The following SEMA6D variants were observed in gnomAD, a reference collection of about 807,000 sequenced individuals.
SEMA6D encodes semaphorin 6D.
In SEMA6D, 35 loss-of-function variants were observed where a neutral mutation model predicts 106.6. The observed-to-expected ratio is 0.33, with a 90% confidence interval of 0.25 to 0.44. The LOEUF (loss-of-function observed/expected upper bound fraction) is 0.44, where lower values mean the gene tolerates loss of function less well. Ranked by LOEUF, SEMA6D falls within the 20% of genes least tolerant of loss-of-function variation. The pLI, the probability that SEMA6D is intolerant of heterozygous loss-of-function variation, is 1.00. For missense variants in SEMA6D, 1,185 were observed against 1,345.9 expected, an observed-to-expected ratio of 0.88 and a Z score of 1.87; for synonymous variants, 499 against 487.7, an observed-to-expected ratio of 1.02 and a Z score of -0.31.
chr15:47,765,958 G>T lies in SEMA6D; in HGVS notation c.1517G>T (p.Cys506Phe), dbSNP rs765848420. Reference sequence around the variant, plus strand: ...GCTTTATATGTGGCGTTCTCTAGCTGCATTATCCGCATCCCCCTCAGTCGC... The same window carrying T: ...GCTTTATATGTGGCGTTCTCTAGCTTCATTATCCGCATCCCCCTCAGTCGC... ...HHALYVAFSS[C>F]IIRIPLSRCE... The change falls in exon 14 of 19, where the codon TGC becomes TTC. Residue 506 changes from cysteine (C) to phenylalanine (F), a missense_variant. Cys to Phe is a radical substitution (Grantham distance 205, BLOSUM62 -2). Transcript: ENST00000536845. 7 of 1,591,218 alleles carry T rather than the reference G, an allele frequency of 4.4e-6. No homozygotes were observed. Among genetic ancestry groups the T allele is most frequent in the Middle Eastern group, 1.7e-4 (1 of 5,924 alleles).
intron 1 of SEMA6D, among the ~76,000 whole-genome samples, chr15:47,235,537 G>A (rs2032484725): frequency 6.6e-6 from 1 of 151,894 alleles, no homozygotes; most frequent in African/African-American, 2.4e-5. Context: ...TTCTACATGT[G>A]GCTATTCAAT....
chr15:47,187,941 C>T (rs1004764492), intron 1 of SEMA6D, among the ~76,000 whole-genome samples: 4 of 152,000 alleles, frequency 2.6e-5, no homozygotes, highest in African/African-American at 7.2e-5. Context: ...TTTAAAAGTC[C>T]GAGCTGTGTA....
chr15:47,616,691 A>G (rs2077014143), intron 4 of SEMA6D, among the ~76,000 whole-genome samples: 3 of 152,004 alleles, frequency 2.0e-5, no homozygotes, highest in Admixed American at 2.0e-4. Flanking sequence ...ATTTGTGTGT[A>G]CTTTCTGCCT....
intron 1 of SEMA6D, among the ~76,000 whole-genome samples, chr15:47,345,124 TTTA>T (rs1317298829): frequency 1.3e-5 from 2 of 152,192 alleles, no homozygotes; most frequent in Non-Finnish European, 2.9e-5. Context: ...TGGAAGACTA[TTTA>T]TTAAGATATC....
intron 1 of SEMA6D, among the ~76,000 whole-genome samples, chr15:47,208,538 C>T (rs749797912): frequency 6.6e-6 from 1 of 152,136 alleles, no homozygotes; most frequent in Non-Finnish European, 1.5e-5. Context: ...CTCATCATTA[C>T]ACTATACTGC....
intron 1 of SEMA6D, 88 bp from the exon 2 acceptor site, chr15:47,759,657 A>T (rs2081958056): frequency 3.1e-6 from 2 of 646,238 alleles, no homozygotes; most frequent in South Asian, 3.6e-5. Flanking sequence ...CTTTGGAGGG[A>T]GCTGATGGTG....
At chr15:47,770,432 C>A (rs1236530183) in intron 18 of SEMA6D, 65 bp from the exon 19 acceptor site, 5 of 1,382,114 alleles carry the variant, frequency 3.6e-6, no homozygotes, top group Non-Finnish European at 4.9e-6. Flanking sequence ...CACTGAAAGC[C>A]ATTTGCTATT....
chr15:47,237,512 G>A (rs1485536580), intron 1 of SEMA6D, among the ~76,000 whole-genome samples: 1 of 152,014 alleles, frequency 6.6e-6, no homozygotes, highest in Non-Finnish European at 1.5e-5. Context: ...CACTATGACC[G>A]AAGGGATATG....
At chr15:47,692,290 C>T (rs745504379) in intron 4 of SEMA6D, among the ~76,000 whole-genome samples, 1 of 152,036 alleles carries the variant, frequency 6.6e-6, no homozygotes, top group East Asian at 1.9e-4. Context: ...ACCTTAATTC[C>T]GCTTGTAGTT....
In SEMA6D at chr15:47,353,448, A is replaced by G. The variant is rs146421649; in HGVS notation, c.-238-58945A>G. On this transcript the variant is annotated intron_variant, in intron 1 of 19. Transcript: ENST00000558014. ...GTATGCTTCTAACAAAGAGTTGCAC[A>G]TTCCTTGCTTTCTACCTGGATACCT... Among the ~76,000 whole-genome samples, 594 of 152,298 alleles carry G rather than the reference A, an allele frequency of 3.9e-3. 1 individual carries two copies. Among genetic ancestry groups the G allele is most frequent in the Non-Finnish European group, 6.5e-3 (443 of 68,018 alleles).
intron 4 of SEMA6D, among the ~76,000 whole-genome samples, chr15:47,634,649 T>C (rs2077349969): frequency 6.6e-6 from 1 of 152,136 alleles, no homozygotes; most frequent in South Asian, 2.1e-4. Context: ...TCAGTGTCAT[T>C]GTTTCAGGGT....
intron 1 of SEMA6D, among the ~76,000 whole-genome samples, chr15:47,344,917 A>G (rs191170886): frequency 0.011 from 1,671 of 152,314 alleles, 12 homozygotes; most frequent in Non-Finnish European, 0.014. Context: ...AGCAATGACT[A>G]TTTGGAAATT....
chr15:47,607,703 A>G (rs1349680261), intron 4 of SEMA6D, among the ~76,000 whole-genome samples: 2 of 152,224 alleles, frequency 1.3e-5, no homozygotes, highest in East Asian at 3.9e-4. Flanking sequence ...TTCTTATGAG[A>G]AGCTGTTTTG....
At chr15:47,554,397 A>G (rs1284033602) in intron 3 of SEMA6D, among the ~76,000 whole-genome samples, 1 of 152,246 alleles carries the variant, frequency 6.6e-6, no homozygotes, top group Non-Finnish European at 1.5e-5. Flanking sequence ...GCAGTTCACA[A>G]GTACAGTGCT....
At chr15:47,376,345 C>T (rs906874543) in intron 1 of SEMA6D, among the ~76,000 whole-genome samples, 2 of 152,200 alleles carry the variant, frequency 1.3e-5, no homozygotes, top group African/African-American at 4.8e-5. Context: ...CAGCTTGCTG[C>T]TGAGCACAGC....
At chr15:47,574,047 T>C (rs1278575824) in intron 3 of SEMA6D, among the ~76,000 whole-genome samples, 2 of 152,174 alleles carry the variant, frequency 1.3e-5, no homozygotes, top group Non-Finnish European at 2.9e-5. Context: ...AGATTGTTGT[T>C]ATTTCATAGG....
intron 4 of SEMA6D, among the ~76,000 whole-genome samples, chr15:47,662,849 G>T (rs894996626): frequency 8.2e-6 from 1 of 121,268 alleles, no homozygotes; most frequent in Non-Finnish European, 1.7e-5. Flanking sequence ...ATTCATGCGT[G>T]TATGAGCGCA....
At chr15:47,582,119 C>T (rs2076264274) in intron 3 of SEMA6D, among the ~76,000 whole-genome samples, 1 of 152,192 alleles carries the variant, frequency 6.6e-6, no homozygotes, top group Admixed American at 6.5e-5. Flanking sequence ...AGATAAATGC[C>T]ACTAAGCCAT....
intron 1 of SEMA6D, among the ~76,000 whole-genome samples, chr15:47,404,038 T>A (rs2040480618): frequency 6.6e-6 from 1 of 152,146 alleles, no homozygotes; most frequent in Non-Finnish European, 1.5e-5. Context: ...GAGAAGTAAT[T>A]GTCAGCTCCC....
Sources: allele counts gnomAD v4.1 joint callset (sites outside exome capture counted in the v4.1 genomes callset), GRCh38; gene constraint gnomAD v4.1.1; transcripts MANE v1.5; gene names NCBI Gene and HGNC (gene_info 2026-07-23, HGNC 2026-07-21).